PLD1: variants seen among roughly 807,000 people sequenced by gnomAD.
PLD1 encodes the protein choline phosphatase 1.
In PLD1, 112 loss-of-function variants were observed where a neutral mutation model predicts 137.1. The observed-to-expected ratio is 0.82, with a 90% CI of 0.70 to 0.96. The LOEUF is 0.96. Among genes scored for constraint, PLD1 ranks in the 40% least tolerant of loss-of-function variants. The probability of loss-of-function intolerance (pLI) is 0.00; values close to 1 mark genes in which losing one functional copy is unlikely to be tolerated. For missense variants in PLD1, 1,321 were observed against 1,342.0 expected, an observed-to-expected ratio of 0.98 and a Z score of 0.24; for synonymous variants, 431 against 454.7, an observed-to-expected ratio of 0.95 and a Z score of 0.66.
At chr3:171,745,576 C>T (rs1720086478) in intron 1 of PLD1, among the ~76,000 whole-genome samples, 1 of 152,370 alleles carries the variant, frequency 6.6e-6, no homozygotes, top group South Asian at 2.1e-4. Flanking sequence ...CAACCAGACC[C>T]TCAGAGGCAC....
intron 1 of PLD1, among the ~76,000 whole-genome samples, chr3:171,769,998 T>C (rs1315170793): frequency 6.6e-6 from 1 of 152,176 alleles, no homozygotes; most frequent in Non-Finnish European, 1.5e-5. Flanking sequence ...AAACACCAAA[T>C]TGAACTACTC....
rs1162673528 is a variant in PLD1, at chr3:171,717,342, T to C, written c.759-3297A>G. 3.3e-5 allele frequency among the ~76,000 whole-genome samples: 5 copies of C among 152,362 alleles called. No individual in the cohort carries two copies. The East Asian group carries it at 5.8e-4, about 18-fold the overall frequency. ...TATTGTTTCTTCCTATCCATGAACA[T>C]GGAATATTTTCCATTTGTTTGTGTC... is the stretch of plus-strand genomic sequence containing the variant. On this transcript the variant is annotated intron_variant, in intron 8 of 26. Transcript: ENST00000351298.
At chr3:171,754,259 G>A (rs28714570) in intron 1 of PLD1, among the ~76,000 whole-genome samples, 22,306 of 152,198 alleles carry the variant, frequency 0.15, 1,705 homozygotes, top group South Asian at 0.22. Flanking sequence ...GAATGAATAT[G>A]AATAAGACTT....
chr3:171,620,581 A>AG, intron 23 of PLD1, 61 bp from the exon 24 acceptor site: 1 of 990,324 alleles, frequency 1.0e-6, no homozygotes, highest in Non-Finnish European at 1.5e-6. Context: ...ACGTACATTA[A>AG]ATCTTATTGT....
chr3:171,620,359 C>T (rs1733483217), intron 24 of PLD1, 27 bp downstream of exon 24: 2 of 1,489,668 alleles, frequency 1.3e-6, no homozygotes, highest in African/African-American at 1.4e-5. Context: ...GCAAGGAATA[C>T]AATTATAGAC....
At position 171,686,785 on chromosome 3, in the gene PLD1, G is replaced by A. The variant is rs764720976; in HGVS notation, c.1767C>T (p.His589=). The A allele has an allele frequency of 6.6e-7, 1 of 1,514,086 alleles. No individual in the cohort carries two copies. Among genetic ancestry groups the A allele is most frequent in the Non-Finnish European group, 9.1e-7 (1 of 1,101,486 alleles). 93.8% of individuals were successfully genotyped at this position (1,514,086 alleles called of 1,614,324 possible). The part of the protein sequence containing the change: ...SIDSTSSYFN[H]YRSHHNLIHG... ...GGATTAAATTGTGATGACTTCTATAGTGATTAAAATAACCTAGAGAAATTA... is the reference window on the plus strand; with the variant it reads ...GGATTAAATTGTGATGACTTCTATAATGATTAAAATAACCTAGAGAAATTA... Residue 589 remains histidine, a synonymous_variant, in exon 16 of 27, where the codon CAC becomes CAT. Transcript: ENST00000351298.
rs1339786579 is a variant in PLD1 at position 171,810,390 on chromosome 3, G to T, written c.-32+9C>A. The T allele has an allele frequency of 6.6e-6, 1 of 152,318 alleles. No individual in the cohort carries two copies. The highest frequency in any genetic ancestry group is 1.9e-4 in the East Asian group (1 of 5,190). 9.4% of individuals were successfully genotyped at this position (152,318 alleles called of 1,614,324 possible). A position where few individuals can be genotyped will look rare whatever the true frequency, so the allele number is the denominator to read the frequency against. ...CGCCCGGTGATCCGGGTCTCGGCGCGGCTCCTACCTGCAGGGCGAAGGGGC... is the reference window on the plus strand; with the variant it reads ...CGCCCGGTGATCCGGGTCTCGGCGCTGCTCCTACCTGCAGGGCGAAGGGGC... On this transcript the variant is annotated intron_variant, in intron 1 of 26. Transcript: ENST00000351298.
intron 19 of PLD1, among the ~76,000 whole-genome samples, chr3:171,663,848 C>T (rs555839708): frequency 6.6e-6 from 1 of 152,222 alleles, no homozygotes; most frequent in East Asian, 1.9e-4. Context: ...AGAATGCTCC[C>T]ATACTCATTA....
At chr3:171,746,406 A>G (rs1720182381) in intron 1 of PLD1, among the ~76,000 whole-genome samples, 1 of 152,168 alleles carries the variant, frequency 6.6e-6, no homozygotes, top group African/African-American at 2.4e-5. Flanking sequence ...ACCAATCAGC[A>G]CTCTGTGTCT....
At chr3:171,808,033 T>C (rs940122737) in intron 1 of PLD1, among the ~76,000 whole-genome samples, 2 of 152,132 alleles carry the variant, frequency 1.3e-5, no homozygotes, top group Admixed American at 6.5e-5. Flanking sequence ...TGGGTACTTA[T>C]GGATATAGAG....
intron 20 of PLD1, among the ~76,000 whole-genome samples, chr3:171,660,086 T>C (rs1161402890): frequency 6.6e-6 from 1 of 152,248 alleles, no homozygotes; most frequent in African/African-American, 2.4e-5. Flanking sequence ...TAGATTGTTA[T>C]AACACATCTG....
chr3:171,611,497 G>C (rs1732654122), intron 25 of PLD1: 2 of 470,560 alleles, frequency 4.3e-6, no homozygotes, highest in Non-Finnish European at 8.4e-6. Flanking sequence ...TTATTGAATG[G>C]ACTTATTTAG....
intron 21 of PLD1, among the ~76,000 whole-genome samples, chr3:171,654,687 T>A (rs966433621): frequency 6.6e-5 from 10 of 152,190 alleles, no homozygotes; most frequent in African/African-American, 2.4e-4. Context: ...TGATTTTTTT[T>A]CTCTCTGATC....
intron 16 of PLD1, among the ~76,000 whole-genome samples, chr3:171,679,651 TATG>T (rs1259435179): frequency 6.6e-6 from 1 of 152,236 alleles, no homozygotes. Context: ...AACAACCAGT[TATG>T]ATAAGGAAAA....
intron 1 of PLD1, among the ~76,000 whole-genome samples, chr3:171,777,377 T>C (rs992848777): frequency 6.6e-6 from 1 of 152,228 alleles, no homozygotes; most frequent in Non-Finnish European, 1.5e-5. Context: ...AGGTTTCGCT[T>C]AGAGCTGCTT....
chr3:171,659,073 G>A, intron 21 of PLD1, 140 bp downstream of exon 21: 1 of 658,620 alleles, frequency 1.5e-6, no homozygotes, highest in Admixed American at 2.3e-5. Context: ...TCAGACTAAA[G>A]GCATCAATAA....
intron 6 of PLD1, among the ~76,000 whole-genome samples, chr3:171,726,850 T>C (rs982946224): frequency 1.3e-5 from 2 of 152,168 alleles, no homozygotes; most frequent in Admixed American, 1.3e-4. Flanking sequence ...ACTTTTCCCA[T>C]TGTACAGAAG....
At chr3:171,780,713 G>C (rs972076988) in intron 1 of PLD1, among the ~76,000 whole-genome samples, 1 of 152,200 alleles carries the variant, frequency 6.6e-6, no homozygotes, top group Non-Finnish European at 1.5e-5. Flanking sequence ...AAACATGGAG[G>C]TCACTGATGT....
intron 1 of PLD1, among the ~76,000 whole-genome samples, chr3:171,779,137 C>T (rs760572171): frequency 2.0e-5 from 3 of 152,102 alleles, no homozygotes; most frequent in Admixed American, 1.3e-4. Flanking sequence ...TGCAGTGAGC[C>T]GAGATCGTGC....
Sources: allele counts gnomAD v4.1 joint callset (sites outside exome capture counted in the v4.1 genomes callset), GRCh38; gene constraint gnomAD v4.1.1; transcripts MANE v1.5; gene names NCBI Gene and HGNC (gene_info 2026-07-23, HGNC 2026-07-21).